WASHC3: variants seen among roughly 807,000 people sequenced by gnomAD.
The protein encoded by WASHC3 is WASH complex subunit 3.
In WASHC3, 24 loss-of-function variants were observed where a neutral mutation model predicts 26.1. The observed-to-expected ratio is 0.92, with a 90% confidence interval of 0.66 to 1.29. The LOEUF (loss-of-function observed/expected upper bound fraction) is 1.29, where lower values mean the gene tolerates loss of function less well. WASHC3 is among the 50% of genes most tolerant of loss of function. The probability of loss-of-function intolerance (pLI) is 0.00; values close to 1 mark genes in which losing one functional copy is unlikely to be tolerated. For missense variants in WASHC3, 214 were observed against 229.6 expected, an observed-to-expected ratio of 0.93 and a Z score of 0.44; for synonymous variants, 77 against 75.7, an observed-to-expected ratio of 1.02 and a Z score of -0.09.
At chr12:102,035,255 G>A (rs1877606912) in intron 5 of WASHC3, among the ~76,000 whole-genome samples, 1 of 152,094 alleles carries the variant, frequency 6.6e-6, no homozygotes, top group African/African-American at 2.4e-5. Context: ...TCAATAAAGG[G>A]AGCAATGAGG....
At chr12:102,049,767 A>G (rs1878314094) in intron 2 of WASHC3, among the ~76,000 whole-genome samples, 1 of 152,184 alleles carries the variant, frequency 6.6e-6, no homozygotes. Context: ...GAAGCAATGA[A>G]TGGTTTTATT....
chr12:102,033,875 G>T (rs1035241520), intron 5 of WASHC3, among the ~76,000 whole-genome samples: 6 of 151,804 alleles, frequency 4.0e-5, no homozygotes, highest in African/African-American at 1.5e-4. Flanking sequence ...AACTACTCAA[G>T]GTCATACTAA....
chr12:102,030,318 T>C (rs1358807144), intron 5 of WASHC3, among the ~76,000 whole-genome samples: 7 of 151,258 alleles, frequency 4.6e-5, no homozygotes, highest in African/African-American at 1.5e-4. Context: ...AAAAAATTAT[T>C]GTATTTTATG....
At chr12:102,044,262 TA>T (rs1878064975) in intron 3 of WASHC3, 50 bp from the exon 4 acceptor site, 2 of 860,920 alleles carry the variant, frequency 2.3e-6, no homozygotes, top group Non-Finnish European at 3.6e-6. Context: ...CTTGCATAAA[TA>T]AACACTATTT....
rs997069614 is a variant in WASHC3 at position 102,039,867 on chromosome 12, C to T, written c.435+1G>A. On this transcript the variant is annotated splice_donor_variant, in intron 5 of 6. Coordinates refer to ENST00000240079, the MANE Select transcript of WASHC3 (RefSeq NM_016053.4). LOFTEE classifies it high-confidence loss of function. ...AAAGAAGACAGACCAAGTTAGCTTA[C>T]CACTTGAACCATTTTGAGATATCTG... 2.1e-5 allele frequency: 30 copies of T among 1,452,502 alleles called. No homozygotes were observed. Among genetic ancestry groups the T allele is most frequent in the Non-Finnish European group, 2.4e-5 (25 of 1,033,846 alleles). The allele number at this position is 1,452,502 out of a possible 1,614,324, so 90.0% of individuals were successfully genotyped here.
chr12:102,021,111 AAAC>A (rs935028642), intron 6 of WASHC3, among the ~76,000 whole-genome samples: 1 of 151,830 alleles, frequency 6.6e-6, no homozygotes, highest in African/African-American at 2.4e-5. Context: ...CAAAAACAAA[AAAC>A]AAACAAAACA....
At chr12:102,026,137 A>G in intron 5 of WASHC3, 99 bp from the exon 6 acceptor site, 1 of 645,434 alleles carries the variant, frequency 1.5e-6, no homozygotes, top group South Asian at 2.0e-5. Flanking sequence ...CTCATTATTT[A>G]AAAGTTCTTA....
At chr12:102,032,905 G>C (rs1364757461) in intron 5 of WASHC3, among the ~76,000 whole-genome samples, 1 of 152,112 alleles carries the variant, frequency 6.6e-6, no homozygotes, top group Non-Finnish European at 1.5e-5. Context: ...ATCTCTCAGA[G>C]GGTAGTAATC....
chr12:102,026,037 C>T lies in WASHC3; in HGVS notation c.437G>A (p.Gly146Asp). 1 of 1,527,242 alleles carries T rather than the reference C, an allele frequency of 6.5e-7. No individual in the cohort carries two copies. The highest frequency in any genetic ancestry group is 2.4e-5 in the East Asian group (1 of 42,538). The allele number at this position is 1,527,242 out of a possible 1,614,324, so 94.6% of individuals were successfully genotyped here. ...YARYLKMVQV[G>D]VPVMAIRNKM... The stretch of plus-strand genomic sequence containing the variant: ...GTTTCTTATTGCCATCACTGGTACA[C>T]CCTAAGCAAAGGATATAAGATAATT... Residue 146 changes from glycine (G) to aspartate (D), a missense_variant and splice_region_variant, in exon 6 of 7, where the codon GGT (glycine) becomes GAT (aspartate). By Grantham distance (94) the Gly-to-Asp change is moderately conservative. Coordinates refer to ENST00000240079, the MANE Select transcript of WASHC3 (RefSeq NM_016053.4).
At chr12:102,026,970 C>T (rs561073117) in intron 5 of WASHC3, among the ~76,000 whole-genome samples, 1 of 152,238 alleles carries the variant, frequency 6.6e-6, no homozygotes, top group African/African-American at 2.4e-5. Context: ...AGGAAAAAGC[C>T]CAATCACCTC....
intron 2 of WASHC3, among the ~76,000 whole-genome samples, chr12:102,058,975 CTT>C (rs1327875005): frequency 6.6e-6 from 1 of 152,092 alleles, no homozygotes. Flanking sequence ...AATGATCTCA[CTT>C]ATATATGGAG....
intron 6 of WASHC3, among the ~76,000 whole-genome samples, chr12:102,013,708 GA>G (rs1271472572): frequency 6.6e-6 from 1 of 152,210 alleles, no homozygotes; most frequent in Non-Finnish European, 1.5e-5. Flanking sequence ...CCTGGTCGAA[GA>G]AGGTTCTTAA....
chr12:102,023,431 C>T (rs966762559), intron 6 of WASHC3, among the ~76,000 whole-genome samples: 2 of 152,090 alleles, frequency 1.3e-5, no homozygotes, highest in Non-Finnish European at 2.9e-5. Context: ...GAAAAAAGAA[C>T]ACAGAACAAT....
intron 6 of WASHC3, among the ~76,000 whole-genome samples, chr12:102,019,644 T>C (rs1016014346): frequency 6.6e-6 from 1 of 152,198 alleles, no homozygotes; most frequent in Non-Finnish European, 1.5e-5. Flanking sequence ...ATAAAAACAC[T>C]AGCTTGGTGG....
chr12:102,018,783 A>ATCAT (rs1378805552), intron 6 of WASHC3, among the ~76,000 whole-genome samples: 26 of 151,730 alleles, frequency 1.7e-4, no homozygotes, highest in African/African-American at 6.3e-4. Context: ...CATTCATTTT[A>ATCAT]TTATTTATTT....
At chr12:102,025,685 G>GAAAAAAAAAAAAA (rs771948063) in intron 6 of WASHC3, among the ~76,000 whole-genome samples, 6 of 73,986 alleles carry the variant, frequency 8.1e-5, no homozygotes, top group Non-Finnish European at 8.5e-5. Context: ...GCACAAAAAG[G>GAAAAAAAAAAAAA]AAAAAAAAAA....
intron 6 of WASHC3, among the ~76,000 whole-genome samples, chr12:102,025,614 C>G (rs1439883117): frequency 2.1e-5 from 3 of 140,180 alleles, no homozygotes; most frequent in African/African-American, 8.0e-5. Context: ...TAATCACCCC[C>G]CCACCAAAAA....
chr12:102,026,579 C>A (rs1352434319), intron 5 of WASHC3, among the ~76,000 whole-genome samples: 1 of 152,108 alleles, frequency 6.6e-6, no homozygotes, highest in Non-Finnish European at 1.5e-5. Context: ...CTGGTACAAA[C>A]ACTAATGACA....
intron 6 of WASHC3, 187 bp downstream of exon 6, chr12:102,025,787 G>A: frequency 5.8e-6 from 3 of 516,230 alleles, no homozygotes; most frequent in Non-Finnish European, 1.0e-5. Flanking sequence ...AATGTGTAAA[G>A]GCTGGTCTTA....
Sources: gnomAD v4.1 joint callset for allele counts (sites outside exome capture counted in the v4.1 genomes callset) on GRCh38, gnomAD v4.1.1 for gene constraint, MANE v1.5 for transcripts, NCBI Gene and HGNC (gene_info 2026-07-23, HGNC 2026-07-21) for gene names.